LIPA: variants seen among roughly 807,000 people sequenced by gnomAD.
LIPA encodes the protein lysosomal acid lipase/cholesteryl ester hydrolase.
Under a neutral mutation model 40.6 loss-of-function variants are expected in LIPA, and 26 were observed. The observed-to-expected ratio is 0.64, with a 90% CI of 0.47 to 0.89. LIPA has a LOEUF of 0.89. Ranked by LOEUF, LIPA falls within the 40% of genes least tolerant of loss-of-function variation. The pLI is 0.00. For synonymous variants in LIPA, 188 were observed against 168.4 expected (o/e 1.12, Z -0.90); for missense variants, 455 against 479.6 (o/e 0.95, Z 0.48).
intron 1 of LIPA, among the ~76,000 whole-genome samples, chr10:89,263,109 G>A (rs4933498): frequency 0.24 from 36,775 of 152,004 alleles, 5,306 homozygotes; most frequent in African/African-American, 0.41. Flanking sequence ...ATCAGGGCCA[G>A]TTTGGCTTTG....
chr10:89,359,292 T>C (rs1411348467), intron 2 of LIPA, among the ~76,000 whole-genome samples: 4 of 152,278 alleles, frequency 2.6e-5, no homozygotes, highest in Admixed American at 2.6e-4. Context: ...TATATAACTA[T>C]TATGTCTCAA....
At chr10:89,405,853 C>T (rs1161150521) in intron 2 of LIPA, 1 of 152,154 alleles carries the variant, frequency 6.6e-6, no homozygotes. Flanking sequence ...TGTAAAGTAG[C>T]ATGTTCACAG....
At chr10:89,360,564 T>C (rs1027969264) in intron 2 of LIPA, among the ~76,000 whole-genome samples, 2 of 152,182 alleles carry the variant, frequency 1.3e-5, no homozygotes, top group African/African-American at 4.8e-5. Flanking sequence ...TTAAAAAGAA[T>C]TGGATTTTTA....
intron 1 of LIPA, among the ~76,000 whole-genome samples, chr10:89,312,407 C>CT (rs1361215466): frequency 1.3e-5 from 2 of 152,106 alleles, no homozygotes; most frequent in Admixed American, 1.3e-4. Context: ...TGCCACTGCA[C>CT]TACAGCCTGG....
intron 2 of LIPA, among the ~76,000 whole-genome samples, chr10:89,352,503 A>G (rs1160194229): frequency 6.6e-6 from 1 of 152,198 alleles, no homozygotes; most frequent in East Asian, 1.9e-4. Flanking sequence ...TCATTCAGCA[A>G]CAATTTTTGT....
intron 2 of LIPA, among the ~76,000 whole-genome samples, chr10:89,409,700 TCCTC>T (rs1483523585): frequency 2.6e-5 from 4 of 152,344 alleles, no homozygotes; most frequent in South Asian, 4.1e-4. Context: ...TGGACAGCTG[TCCTC>T]AAGTTCCATT....
chr10:89,226,524 A>C (rs936572069), intron 5 of LIPA, among the ~76,000 whole-genome samples: 3 of 152,202 alleles, frequency 2.0e-5, no homozygotes, highest in Non-Finnish European at 4.4e-5. Context: ...TTTTTTGTAA[A>C]CCAAATGTAC....
rs143320572 is a variant in LIPA at position 89,340,364 on chromosome 10, C to A, written c.-2+2247G>T. 201 of 336,834 alleles carry A rather than the reference C, an allele frequency of 6.0e-4. 1 individual carries two copies. The highest frequency in any genetic ancestry group is 3.8e-3 in the African/African-American group (185 of 48,084). 20.9% of individuals were successfully genotyped at this position (336,834 alleles called of 1,614,324 possible). ...ACGAGGTCTGGAGTTTGAGACCATC[C>A]TGGCTAACACAGTGAAATCCCGTCT... On this transcript the variant is annotated intron_variant, in intron 1 of 5. Coordinates refer to the LIPA transcript ENST00000282673.
chr10:89,254,480 C>T (rs984943036), upstream of LIPA, among the ~76,000 whole-genome samples: 2 of 152,222 alleles, frequency 1.3e-5, no homozygotes, highest in African/African-American at 2.4e-5. Flanking sequence ...CAGGGAGGAC[C>T]TGAGCCAGCC....
chr10:89,383,230 A>G, intron 2 of LIPA: 1 of 1,133,218 alleles, frequency 8.8e-7, no homozygotes, highest in Non-Finnish European at 1.3e-6. Flanking sequence ...ATTAGGATAG[A>G]GCATATTTGA....
rs1238393388 is a variant in LIPA, at chr10:89,268,293, T to C, written c.-1-20644A>G. Among the ~76,000 whole-genome samples the C allele has an allele frequency of 2.0e-5, 3 of 152,242 alleles. 1 individual carries two copies. The highest frequency in any genetic ancestry group is 4.4e-5 in the Non-Finnish European group (3 of 68,046). ...TGAGTTAGAGTTCTCTTCTGTAAAATAGAATTAATATTGTCTAGGGACATC... is the reference window on the plus strand; with the variant it reads ...TGAGTTAGAGTTCTCTTCTGTAAAACAGAATTAATATTGTCTAGGGACATC... On this transcript the variant is annotated intron_variant, in intron 1 of 5. Coordinates refer to the LIPA transcript ENST00000282673.
intron 1 of LIPA, chr10:89,340,226 AG>A: frequency 1.5e-6 from 2 of 1,300,662 alleles, no homozygotes; most frequent in South Asian, 3.0e-5. Context: ...ATTGCTGAGC[AG>A]GGAAGCTTTG....
chr10:89,387,046 G>A (rs575180168), intron 2 of LIPA, among the ~76,000 whole-genome samples: 5 of 152,208 alleles, frequency 3.3e-5, no homozygotes, highest in Admixed American at 6.5e-5. Context: ...GCTGGGCGCC[G>A]TGGCTCACGC....
intron 1 of LIPA, among the ~76,000 whole-genome samples, chr10:89,299,685 AC>A (rs916153978): frequency 2.7e-4 from 41 of 152,106 alleles, no homozygotes; most frequent in African/African-American, 9.4e-4. Context: ...ACATCACTCA[AC>A]CCCAAGGAAA....
At chr10:89,272,571 C>T (rs1843271142) in intron 1 of LIPA, among the ~76,000 whole-genome samples, 2 of 152,226 alleles carry the variant, frequency 1.3e-5, no homozygotes, top group Non-Finnish European at 1.5e-5. Flanking sequence ...GTGCATGTGT[C>T]TTTATAATAG....
chr10:89,348,794 T>C (rs1843940928), intron 2 of LIPA, among the ~76,000 whole-genome samples: 1 of 152,190 alleles, frequency 6.6e-6, no homozygotes, highest in Non-Finnish European at 1.5e-5. Flanking sequence ...TTTTCCTTTA[T>C]TTCCATGCCT....
chr10:89,252,464 G>T (rs1056799411), upstream of LIPA, among the ~76,000 whole-genome samples: 1 of 139,300 alleles, frequency 7.2e-6, no homozygotes, highest in Non-Finnish European at 1.6e-5. Flanking sequence ...TACATGAGGT[G>T]GTGATAAGTG....
chr10:89,300,873 G>A (rs999918239), intron 1 of LIPA, among the ~76,000 whole-genome samples: 1 of 152,130 alleles, frequency 6.6e-6, no homozygotes, highest in Non-Finnish European at 1.5e-5. Context: ...TGTAATCCCA[G>A]CTACTCGAGA....
At chr10:89,353,687 A>G (rs1001441894) in intron 2 of LIPA, among the ~76,000 whole-genome samples, 2 of 152,120 alleles carry the variant, frequency 1.3e-5, no homozygotes, top group East Asian at 1.9e-4. Context: ...GGTCAAGAAT[A>G]TAAAGCACAC....
Sources: allele counts gnomAD v4.1 joint callset (sites outside exome capture counted in the v4.1 genomes callset), GRCh38; gene constraint gnomAD v4.1.1; transcripts MANE v1.5; gene names NCBI Gene and HGNC (gene_info 2026-07-23, HGNC 2026-07-21).